The following TG variants were observed in gnomAD, a reference collection of about 807,000 sequenced individuals.
TG encodes the protein thyroglobulin.
In TG, 270 loss-of-function variants were observed where a neutral mutation model predicts 324.7. The observed-to-expected ratio is 0.83, with a 90% CI of 0.75 to 0.92. The LOEUF is 0.92. Ranked by LOEUF, TG falls within the 40% of genes least tolerant of loss-of-function variation. The pLI is 0.00. For synonymous variants in TG, 1,401 were observed against 1,327.0 expected (o/e 1.06, Z -1.21); for missense variants, 3,591 against 3,456.4 (o/e 1.04, Z -0.98).
At chr8:133,045,330 A>G (rs1009535875) in intron 41 of TG, among the ~76,000 whole-genome samples, 6 of 149,524 alleles carry the variant, frequency 4.0e-5, no homozygotes, top group Middle Eastern at 3.2e-3. Flanking sequence ...GTCAAAGCAG[A>G]TATGTTCATC....
At chr8:132,933,537 G>T (rs1031281106) in intron 23 of TG, 24 bp from the exon 24 acceptor site, 7 of 1,610,842 alleles carry the variant, frequency 4.3e-6, no homozygotes, top group Non-Finnish European at 5.9e-6. Flanking sequence ...AGCCAGGTGA[G>T]TGACCGTCCC....
At chr8:133,030,596 C>T (rs887688200) in intron 41 of TG, among the ~76,000 whole-genome samples, 4 of 152,200 alleles carry the variant, frequency 2.6e-5, no homozygotes, top group African/African-American at 4.8e-5. Flanking sequence ...GCCAGATATG[C>T]TGTGCAAGAT....
At chr8:133,019,184 C>T (rs985101188) in intron 38 of TG, among the ~76,000 whole-genome samples, 1 of 152,184 alleles carries the variant, frequency 6.6e-6, no homozygotes, top group African/African-American at 2.4e-5. Flanking sequence ...AGCTCTCATA[C>T]TGGGAGTTGC....
chr8:132,986,331 A>ATATATGTGTGTATATATATG (rs1831520586), intron 35 of TG, among the ~76,000 whole-genome samples: 2 of 148,404 alleles, frequency 1.3e-5, no homozygotes, highest in Admixed American at 6.9e-5. Context: ...GTGTGTATAT[A>ATATATGTGTGTATATATATG]TATATGTGTG....
At position 132,968,002 on chromosome 8, in the gene TG, A is replaced by G. The variant is rs200404745; in HGVS notation, c.5863+32A>G. ...ACTTGGAGAGATCTGCATAAACTGTATTTCCAATGTTCTGCTGGCTCTGTG... is the reference window on the plus strand; with the variant it reads ...ACTTGGAGAGATCTGCATAAACTGTGTTTCCAATGTTCTGCTGGCTCTGTG... On this transcript the variant is annotated intron_variant, in intron 31 of 47. Coordinates refer to ENST00000220616, the MANE Select transcript of TG (RefSeq NM_003235.5). The G allele has an allele frequency of 1.9e-6, 3 of 1,609,756 alleles. No homozygotes were observed. The Admixed American group carries it at 5.0e-5, about 27-fold the overall frequency.
intron 38 of TG, among the ~76,000 whole-genome samples, chr8:133,018,642 A>G (rs1564078469): frequency 6.6e-6 from 1 of 152,100 alleles, no homozygotes; most frequent in Non-Finnish European, 1.5e-5. Context: ...TTGAAGAACA[A>G]TATTGTGATT....
At chr8:132,905,707 C>G (rs1330500828) in intron 16 of TG, among the ~76,000 whole-genome samples, 2 of 152,064 alleles carry the variant, frequency 1.3e-5, no homozygotes. Flanking sequence ...TGGACTCAAC[C>G]CAGTGGGGTG....
intron 34 of TG, among the ~76,000 whole-genome samples, chr8:132,974,822 C>T (rs950513246): frequency 1.6e-4 from 25 of 152,142 alleles, no homozygotes; most frequent in African/African-American, 5.8e-4. Flanking sequence ...ATCTGGTGCT[C>T]GGCCCTTGCT....
At chr8:132,884,775 G>C (rs1300255692) in intron 8 of TG, among the ~76,000 whole-genome samples, 2 of 152,170 alleles carry the variant, frequency 1.3e-5, no homozygotes, top group East Asian at 1.9e-4. Context: ...CAATTTTTCT[G>C]TCTGGTATAT....
chr8:132,994,264 A>G (rs965612193), intron 35 of TG, among the ~76,000 whole-genome samples: 2 of 152,234 alleles, frequency 1.3e-5, no homozygotes, highest in African/African-American at 4.8e-5. Context: ...TCTTGAGCCA[A>G]ATGGAATTAA....
At position 133,012,023 on chromosome 8, in the gene TG, C is replaced by G. The variant is rs142609908; in HGVS notation, c.6385C>G (p.Leu2129Val). ...ATSNFSAVRDLCLSECSQHEA... is the reference protein window; with the variant it reads ...ATSNFSAVRDVCLSECSQHEA... ...CAGCAATTTCTCTGCTGTCCGAGACCTCTGTTTGTCGGGTAAGGGGAGTTT... is the reference window on the plus strand; with the variant it reads ...CAGCAATTTCTCTGCTGTCCGAGACGTCTGTTTGTCGGGTAAGGGGAGTTT... Residue 2129 changes from leucine to valine, a missense_variant, in exon 36 of 48, where the codon CTC becomes GTC. Physicochemically the swap from Leu to Val is conservative, Grantham distance 32. Transcript: ENST00000220616. The G allele has an allele frequency of 2.8e-5, 46 of 1,614,176 alleles. No individual in the cohort carries two copies. The African/African-American group carries it at 5.7e-4, about 20-fold the overall frequency.
chr8:133,039,047 T>A (rs1412252207), intron 41 of TG, among the ~76,000 whole-genome samples: 3 of 152,208 alleles, frequency 2.0e-5, no homozygotes, highest in African/African-American at 7.2e-5. Flanking sequence ...CCAGCTAATT[T>A]TTTGTATTTT....
intron 45 of TG, among the ~76,000 whole-genome samples, chr8:133,121,057 G>A (rs1232950727): frequency 6.6e-6 from 1 of 152,200 alleles, no homozygotes; most frequent in Admixed American, 6.5e-5. Flanking sequence ...ACCAAGCCAT[G>A]TTCATGCAGA....
chr8:132,987,734 G>A (rs978563149), intron 35 of TG, among the ~76,000 whole-genome samples: 7 of 151,080 alleles, frequency 4.6e-5, no homozygotes, highest in Non-Finnish European at 1.0e-4. Flanking sequence ...GTGTGTGTGT[G>A]TGCGTGTGTG....
chr8:132,885,138 G>T (rs567352398), intron 8 of TG, among the ~76,000 whole-genome samples: 118 of 151,330 alleles, frequency 7.8e-4, no homozygotes, highest in African/African-American at 2.6e-3. Flanking sequence ...TTGGGGGGGG[G>T]GCGTGGTGGT....
rs116998463 is a variant in TG at position 132,961,112 on chromosome 8, G to A, written c.5467+39G>A. 8.2e-6 allele frequency: 13 copies of A among 1,592,562 alleles called. No individual in the cohort carries two copies. The East Asian group carries it at 2.9e-4, about 36-fold the overall frequency. On this transcript the variant is annotated intron_variant, in intron 28 of 47. Transcript: ENST00000220616. ...TGGAAGAGGGGGTTAGCAGGACGCT[G>A]ATTACATGAGATTGTCTGGCACCAC...
intron 45 of TG, among the ~76,000 whole-genome samples, chr8:133,121,261 G>C (rs1005572966): frequency 2.0e-5 from 3 of 152,118 alleles, no homozygotes; most frequent in Non-Finnish European, 1.5e-5. Flanking sequence ...GTGGGAGTAG[G>C]GAGGCCGGAG....
Position 132,980,754 on chromosome 8 carries a change from C to A in TG, c.6200-2596C>A, listed in dbSNP as rs867769802. On this transcript the variant is annotated intron_variant, in intron 34 of 47. Transcript: ENST00000220616. The stretch of plus-strand genomic sequence containing the variant: ...GTCTGGATTGAATTGAATCACTGGT[C>A]CAGAGGGTTGAAGAATTGGTTGGTG... 1.4e-3 allele frequency among the ~76,000 whole-genome samples: 219 copies of A among 151,980 alleles called. 3 individuals are homozygous for A. Among genetic ancestry groups the A allele is most frequent in the Middle Eastern group, 0.01 (3 of 294 alleles).
intron 23 of TG, among the ~76,000 whole-genome samples, chr8:132,931,636 G>T (rs969300584): frequency 1.3e-5 from 2 of 152,130 alleles, no homozygotes; most frequent in Non-Finnish European, 2.9e-5. Context: ...ACCAGCCAGG[G>T]TCTAGGGTGC....
Sources: gnomAD v4.1 joint callset for allele counts (sites outside exome capture counted in the v4.1 genomes callset) on GRCh38, gnomAD v4.1.1 for gene constraint, MANE v1.5 for transcripts, NCBI Gene and HGNC (gene_info 2026-07-23, HGNC 2026-07-21) for gene names.